Variants in DOCK10 observed in about 807,000 individuals in gnomAD.
DOCK10 encodes the protein dedicator of cytokinesis 10, also known as dedicator of cytokinesis protein 10.
In DOCK10, 145 loss-of-function variants were observed where a neutral mutation model predicts 280.1. The observed-to-expected ratio is 0.52, with a 90% CI of 0.45 to 0.59. The LOEUF (loss-of-function observed/expected upper bound fraction) is 0.59. DOCK10 is among the 20% of genes least tolerant of loss of function. The pLI, the probability that DOCK10 is intolerant of heterozygous loss-of-function variation, is 0.00. For synonymous variants in DOCK10, 915 were observed against 942.2 expected (o/e 0.97, Z 0.53); for missense variants, 2,368 against 2,651.7 (o/e 0.89, Z 2.35).
rs1026922197 is a variant in DOCK10, at chr2:224,765,455, G to A, written c.*266C>T. The A allele has an allele frequency of 8.6e-6, 3 of 347,186 alleles. No homozygotes were observed. Among genetic ancestry groups the A allele is most frequent in the African/African-American group, 4.2e-5 (2 of 47,298 alleles). The allele number at this position is 347,186 out of a possible 1,614,324, so 21.5% of individuals were successfully genotyped here. On this transcript the variant is annotated 3_prime_UTR_variant, in exon 56 of 56. Coordinates refer to ENST00000258390, the MANE Select transcript of DOCK10 (RefSeq NM_014689.3). ...GGTACTGACCATACAATAACTGACA[G>A]CAAACTTAGGGTTTGCATTTGAGCT...
chr2:224,958,301 T>A (rs1452290539), intron 1 of DOCK10, among the ~76,000 whole-genome samples: 1 of 152,180 alleles, frequency 6.6e-6, no homozygotes, highest in Non-Finnish European at 1.5e-5. Context: ...TAGCTGCTCA[T>A]GCATTGAGCA....
chr2:224,966,258 G>A (rs902077294), intron 1 of DOCK10, among the ~76,000 whole-genome samples: 5 of 151,846 alleles, frequency 3.3e-5, no homozygotes, highest in Non-Finnish European at 5.9e-5. Flanking sequence ...AAATTATATC[G>A]GCAACTAGGA....
chr2:224,846,154 T>A (rs1696334930), intron 19 of DOCK10, among the ~76,000 whole-genome samples: 1 of 152,236 alleles, frequency 6.6e-6, no homozygotes, highest in African/African-American at 2.4e-5. Flanking sequence ...TTTATTGTGA[T>A]GGATGATGAT....
At chr2:224,791,994 G>GT (rs1289207071) in intron 47 of DOCK10, among the ~76,000 whole-genome samples, 1 of 152,144 alleles carries the variant, frequency 6.6e-6, no homozygotes, top group African/African-American at 2.4e-5. Flanking sequence ...TTAAACCAGT[G>GT]TTATCAAAGA....
rs140124220 is a variant in DOCK10 at position 224,994,781 on chromosome 2, C to G, written c.123+47471G>C. Reference sequence around the variant, plus strand: ...TTCAAAGCAAATTTTTACACACACACACTTACACACACAATGCATAAAATA... The same window carrying G: ...TTCAAAGCAAATTTTTACACACACAGACTTACACACACAATGCATAAAATA... On this transcript the variant is annotated intron_variant, in intron 1 of 55. Transcript: ENST00000258390. 3.7e-3 allele frequency among the ~76,000 whole-genome samples: 562 copies of G among 152,354 alleles called. 7 individuals are homozygous for G. The highest frequency in any genetic ancestry group is 0.013 in the African/African-American group (523 of 41,582).
At position 224,816,606 on chromosome 2, in the gene DOCK10, A is replaced by T; in HGVS notation, c.3364+11T>A. The T allele has an allele frequency of 6.5e-7, 1 of 1,532,972 alleles. No homozygotes were observed. Among genetic ancestry groups the T allele is most frequent in the Non-Finnish European group, 9.0e-7 (1 of 1,112,608 alleles). The allele number at this position is 1,532,972 out of a possible 1,614,324, so 95.0% of individuals were successfully genotyped here. A position where few individuals can be genotyped will look rare whatever the true frequency, so the allele number is the denominator to read the frequency against. On this transcript the variant is annotated intron_variant, in intron 30 of 55. Coordinates refer to ENST00000258390, the MANE Select transcript of DOCK10 (RefSeq NM_014689.3). ...TGCAGGAACTGAGGAAAATTCTGGG[A>T]ATTTTATTACCTGGAATGTTTGCTG...
intron 1 of DOCK10, among the ~76,000 whole-genome samples, chr2:224,967,289 T>C (rs12993908): frequency 0.53 from 80,518 of 151,608 alleles, 21,574 homozygotes; most frequent in East Asian, 0.63. Context: ...ACCGTGTTAG[T>C]CAGGATGGTC....
chr2:224,900,269 G>A (rs1346073174), intron 3 of DOCK10, among the ~76,000 whole-genome samples: 4 of 151,486 alleles, frequency 2.6e-5, no homozygotes, highest in Non-Finnish European at 5.9e-5. Flanking sequence ...ATATTAGTAT[G>A]ATACTAGTAA....
chr2:224,810,861 C>A (rs1465435144), intron 31 of DOCK10, among the ~76,000 whole-genome samples: 1 of 152,022 alleles, frequency 6.6e-6, no homozygotes, highest in East Asian at 1.9e-4. Flanking sequence ...ATATGTGCCA[C>A]ATTTTCTTAA....
chr2:224,954,540 G>T (rs1172378450), intron 1 of DOCK10, among the ~76,000 whole-genome samples: 4 of 152,072 alleles, frequency 2.6e-5, no homozygotes, highest in Non-Finnish European at 5.9e-5. Flanking sequence ...AGCCTGCTCT[G>T]CTGTTGAAAA....
intron 1 of DOCK10, among the ~76,000 whole-genome samples, chr2:225,012,218 C>A (rs1041336331): frequency 6.6e-6 from 1 of 152,148 alleles, no homozygotes; most frequent in Non-Finnish European, 1.5e-5. Context: ...GGTAGCTTAA[C>A]GGCTCTTTGC....
intron 1 of DOCK10, among the ~76,000 whole-genome samples, chr2:225,041,801 C>CT (rs1690431799): frequency 6.6e-6 from 1 of 152,166 alleles, no homozygotes; most frequent in African/African-American, 2.4e-5. Context: ...GCATCCCTCT[C>CT]TCTCAGCGCA....
At chr2:224,906,952 A>G (rs1388585001) in intron 3 of DOCK10, among the ~76,000 whole-genome samples, 7 of 138,118 alleles carry the variant, frequency 5.1e-5, no homozygotes, top group African/African-American at 1.6e-4. Context: ...CTTTCATCCA[A>G]TGGTTGATTC....
chr2:224,893,103 C>T (rs183955557), intron 4 of DOCK10, among the ~76,000 whole-genome samples: 460 of 152,304 alleles, frequency 3.0e-3, no homozygotes, highest in African/African-American at 0.011. Context: ...TTTTCTCTGA[C>T]CAAATGACCT....
chr2:224,895,309 T>G (rs1386143289), intron 4 of DOCK10, among the ~76,000 whole-genome samples: 3 of 152,346 alleles, frequency 2.0e-5, no homozygotes, highest in Admixed American at 6.5e-5. Flanking sequence ...ATGTGTCTAT[T>G]AAAAATTAGA....
chr2:224,982,962 C>T (rs917135879), intron 1 of DOCK10, among the ~76,000 whole-genome samples: 3 of 152,116 alleles, frequency 2.0e-5, no homozygotes, highest in East Asian at 1.9e-4. Context: ...AAAGTATGCA[C>T]GCATTAACCA....
chr2:225,028,557 C>G (rs1054718228), intron 1 of DOCK10, among the ~76,000 whole-genome samples: 3 of 152,116 alleles, frequency 2.0e-5, no homozygotes, highest in Non-Finnish European at 4.4e-5. Flanking sequence ...GCTGTTTAAG[C>G]GCTAAGTTTA....
chr2:224,837,641 T>C lies in DOCK10; in HGVS notation c.2850+121A>G, dbSNP rs1183964257. 2.6e-5 allele frequency: 19 copies of C among 739,160 alleles called. No individual in the cohort carries two copies. In the South Asian group the frequency reaches 2.6e-4, roughly 10 times the overall value. The allele number at this position is 739,160 out of a possible 1,614,324, so 45.8% of individuals were successfully genotyped here. A position where few individuals can be genotyped will look rare whatever the true frequency, so the allele number is the denominator to read the frequency against. The stretch of plus-strand genomic sequence containing the variant: ...CTAAGTAGCTAAGGCAAATTCCTGA[T>C]ATTACTGTGGTGGGCGCCACTCAGT... On this transcript the variant is annotated intron_variant, in intron 25 of 55. Coordinates refer to ENST00000258390, the MANE Select transcript of DOCK10 (RefSeq NM_014689.3).
At chr2:224,993,482 G>A (rs750401699) in intron 1 of DOCK10, among the ~76,000 whole-genome samples, 2 of 152,154 alleles carry the variant, frequency 1.3e-5, no homozygotes, top group Non-Finnish European at 2.9e-5. Flanking sequence ...AGCAGCTCAC[G>A]AAGTGAGTCA....
Sources: gnomAD v4.1 joint callset for allele counts (sites outside exome capture counted in the v4.1 genomes callset) on GRCh38, gnomAD v4.1.1 for gene constraint, MANE v1.5 for transcripts, NCBI Gene and HGNC (gene_info 2026-07-23, HGNC 2026-07-21) for gene names.